LRP12: variants seen among roughly 807,000 people sequenced by gnomAD.
LRP12 encodes low-density lipoprotein receptor-related protein 12.
In LRP12, 14 loss-of-function variants were observed where a neutral mutation model predicts 66.0. The ratio of observed to expected loss-of-function variants is 0.21; its 90% CI spans 0.14 to 0.33. LRP12 has a LOEUF of 0.33. LRP12 is among the 10% of genes least tolerant of loss of function. The pLI is 1.00. For missense variants in LRP12, 889 were observed against 1,053.4 expected, an observed-to-expected ratio of 0.84 and a Z score of 2.16; for synonymous variants, 357 against 359.1, an observed-to-expected ratio of 0.99 and a Z score of 0.07.
At chr8:104,562,135 C>T (rs1005486615) in intron 1 of LRP12, among the ~76,000 whole-genome samples, 2 of 152,072 alleles carry the variant, frequency 1.3e-5, no homozygotes, top group African/African-American at 4.8e-5. Flanking sequence ...ATTTTAATTC[C>T]ACTGTGGCTC....
In LRP12 at chr8:104,588,971, C is replaced by T; in HGVS notation, c.-74G>A. On this transcript the variant is annotated 5_prime_UTR_variant, in exon 1 of 7. Coordinates refer to ENST00000276654, the MANE Select transcript of LRP12 (RefSeq NM_013437.5). ...AGAAGCTGGAGGTAGACGACGCCGA[C>T]GCCGCCGCCGCCGCCGCCGCCGCCG... is the stretch of plus-strand genomic sequence containing the variant. 2.1e-6 allele frequency: 1 copy of T among 476,174 alleles called. No individual in the cohort carries two copies. Among genetic ancestry groups the T allele is most frequent in the East Asian group, 4.3e-5 (1 of 23,132 alleles). 29.5% of individuals were successfully genotyped at this position (476,174 alleles called of 1,614,324 possible).
intron 1 of LRP12, among the ~76,000 whole-genome samples, chr8:104,548,015 G>GTTATA (rs1564141669): frequency 0.035 from 3,039 of 86,838 alleles, 132 homozygotes; most frequent in South Asian, 0.058. Context: ...ATATATAATT[G>GTTATA]TTATATTTTG....
chr8:104,544,623 A>G (rs1588498725), intron 1 of LRP12, among the ~76,000 whole-genome samples: 1 of 152,208 alleles, frequency 6.6e-6, no homozygotes, highest in Non-Finnish European at 1.5e-5. Flanking sequence ...TTAGGAATTA[A>G]GCTAAATCTG....
intron 1 of LRP12, among the ~76,000 whole-genome samples, chr8:104,543,470 G>A (rs1261988030): frequency 6.6e-6 from 1 of 152,180 alleles, no homozygotes; most frequent in African/African-American, 2.4e-5. Flanking sequence ...TACTGTGTGT[G>A]TTCTGATTGT....
intron 2 of LRP12, among the ~76,000 whole-genome samples, chr8:104,509,421 T>C (rs1220539084): frequency 6.6e-6 from 1 of 152,228 alleles, no homozygotes; most frequent in Non-Finnish European, 1.5e-5. Context: ...TGAGTAGTGA[T>C]GACATCTCTT....
chr8:104,580,557 AAATT>A (rs1019981931), intron 1 of LRP12, among the ~76,000 whole-genome samples: 10 of 151,938 alleles, frequency 6.6e-5, no homozygotes, highest in Non-Finnish European at 1.0e-4. Flanking sequence ...AACAAACAAA[AAATT>A]AATCTAAATC....
intron 1 of LRP12, among the ~76,000 whole-genome samples, chr8:104,548,432 A>G (rs1396067417): frequency 8.9e-6 from 1 of 112,822 alleles, no homozygotes; most frequent in East Asian, 2.3e-4. Context: ...ATTAAAATAT[A>G]TAATTCTATA....
chr8:104,588,129 T>C (rs2140905326), intron 1 of LRP12, among the ~76,000 whole-genome samples: 1 of 152,150 alleles, frequency 6.6e-6, no homozygotes, highest in South Asian at 2.1e-4. Context: ...CGGACGAGGA[T>C]GGATGAAATT....
intron 1 of LRP12, among the ~76,000 whole-genome samples, chr8:104,560,343 G>A (rs1811884809): frequency 6.6e-6 from 1 of 151,952 alleles, no homozygotes; most frequent in Non-Finnish European, 1.5e-5. Flanking sequence ...CAGTCTTGAT[G>A]GATGTCCCTC....
chr8:104,569,861 A>G (rs1812052655), intron 1 of LRP12, among the ~76,000 whole-genome samples: 1 of 152,158 alleles, frequency 6.6e-6, no homozygotes, highest in Non-Finnish European at 1.5e-5. Context: ...GGGAAACACA[A>G]AAATAATACT....
chr8:104,548,185 T>TATATTATATATA (rs1811637634), intron 1 of LRP12, among the ~76,000 whole-genome samples: 1 of 103,226 alleles, frequency 9.7e-6, no homozygotes, highest in Non-Finnish European at 1.7e-5. Context: ...TAATATATAA[T>TATATTATATATA]ATATATATAA....
chr8:104,570,716 T>TA (rs1812064677), intron 1 of LRP12, among the ~76,000 whole-genome samples: 1 of 152,116 alleles, frequency 6.6e-6, no homozygotes, highest in Admixed American at 6.5e-5. Context: ...TGGGATTAGG[T>TA]AAAGAGCTTT....
chr8:104,498,173 T>C (rs1441213140), intron 4 of LRP12, 97 bp from the exon 5 acceptor site: 7 of 1,212,604 alleles, frequency 5.8e-6, no homozygotes, highest in Non-Finnish European at 7.9e-6. Context: ...ATAATAAATG[T>C]TCATAAAGCC....
chr8:104,500,907 T>A (rs1810819902), intron 3 of LRP12, among the ~76,000 whole-genome samples: 1 of 152,200 alleles, frequency 6.6e-6, no homozygotes, highest in South Asian at 2.1e-4. Context: ...TGTACCAAAG[T>A]ACCATATACC....
At chr8:104,562,465 G>A (rs753265111) in intron 1 of LRP12, among the ~76,000 whole-genome samples, 7 of 152,036 alleles carry the variant, frequency 4.6e-5, no homozygotes, top group African/African-American at 9.7e-5. Context: ...GGAAAAGAAG[G>A]CCATGATATG....
intron 1 of LRP12, among the ~76,000 whole-genome samples, chr8:104,576,038 C>G (rs891690851): frequency 6.6e-6 from 1 of 151,922 alleles, no homozygotes; most frequent in Admixed American, 6.6e-5. Context: ...TGAAGACTGG[C>G]GTTCTGAAAC....
At chr8:104,548,633 T>TA (rs1227825394) in intron 1 of LRP12, among the ~76,000 whole-genome samples, 1 of 143,494 alleles carries the variant, frequency 7.0e-6, no homozygotes, top group Non-Finnish European at 1.5e-5. Flanking sequence ...ATAATTATTA[T>TA]ATAATTAAAT....
chr8:104,539,430 G>C (rs1007474437), intron 1 of LRP12, among the ~76,000 whole-genome samples: 3 of 151,914 alleles, frequency 2.0e-5, no homozygotes, highest in Admixed American at 6.6e-5. Context: ...GGGTACATAG[G>C]GGGTCATTAT....
intron 2 of LRP12, among the ~76,000 whole-genome samples, chr8:104,523,854 A>G (rs1811187051): frequency 6.6e-6 from 1 of 152,236 alleles, no homozygotes; most frequent in African/African-American, 2.4e-5. Flanking sequence ...TAGATAATGT[A>G]AACTTACAGT....
Sources: gnomAD v4.1 joint callset for allele counts (sites outside exome capture counted in the v4.1 genomes callset) on GRCh38, gnomAD v4.1.1 for gene constraint, MANE v1.5 for transcripts, NCBI Gene and HGNC (gene_info 2026-07-23, HGNC 2026-07-21) for gene names.